Variants in CDYL observed in about 807,000 individuals in gnomAD.
CDYL encodes chromodomain Y like.
CDYL carries 8 observed loss-of-function variants against 47.3 expected under a neutral mutation model. That is an observed-to-expected ratio of 0.17 (90% CI 0.10 to 0.31). The LOEUF (loss-of-function observed/expected upper bound fraction) is 0.31, where lower values mean the gene tolerates loss of function less well. Among genes scored for constraint, CDYL ranks in the 10% least tolerant of loss-of-function variants. The pLI is 1.00. For missense variants in CDYL, 471 were observed against 701.4 expected (o/e 0.67, Z 3.71); for synonymous variants, 266 against 265.0 (o/e 1.00, Z -0.04).
intron 2 of CDYL, among the ~76,000 whole-genome samples, chr6:4,717,931 A>T (rs1220161736): frequency 6.6e-6 from 1 of 151,674 alleles, no homozygotes; most frequent in East Asian, 1.9e-4. Context: ...CAAGAGCCTC[A>T]ACCCCCTGGG....
chr6:4,765,512 A>G (rs898441131), intron 3 of CDYL, among the ~76,000 whole-genome samples: 1 of 151,954 alleles, frequency 6.6e-6, no homozygotes, highest in Non-Finnish European at 1.5e-5. Context: ...GTTTTAATTC[A>G]TACATTTGAA....
chr6:4,824,152 T>G (rs1271404189), intron 1 of CDYL, among the ~76,000 whole-genome samples: 1 of 152,240 alleles, frequency 6.6e-6, no homozygotes, highest in Admixed American at 6.5e-5. Flanking sequence ...ATGCGTTGTT[T>G]CCATATTTTG....
At chr6:4,797,403 CAT>C (rs1458099803) in intron 1 of CDYL, among the ~76,000 whole-genome samples, 1 of 151,312 alleles carries the variant, frequency 6.6e-6, no homozygotes, top group Non-Finnish European at 1.5e-5. Context: ...TCCTGAATTA[CAT>C]CTTTTTCTTT....
chr6:4,722,023 T>G (rs1757379341), intron 2 of CDYL, among the ~76,000 whole-genome samples: 1 of 152,090 alleles, frequency 6.6e-6, no homozygotes, highest in Admixed American at 6.5e-5. Context: ...CCTGGCTAAT[T>G]TTTGTATTTT....
chr6:4,781,444 AAG>A (rs1178220635), intron 1 of CDYL, among the ~76,000 whole-genome samples: 2 of 152,216 alleles, frequency 1.3e-5, no homozygotes, highest in Non-Finnish European at 2.9e-5. Context: ...AGTAAAGAAA[AAG>A]AGTTCATTTG....
chr6:4,898,828 C>T (rs563393674), intron 2 of CDYL, among the ~76,000 whole-genome samples: 24 of 152,308 alleles, frequency 1.6e-4, no homozygotes, highest in African/African-American at 5.3e-4. Flanking sequence ...CTTAATAAAT[C>T]TGCATTATTT....
At chr6:4,771,320 G>C (rs560966626) in intron 3 of CDYL, among the ~76,000 whole-genome samples, 1 of 152,218 alleles carries the variant, frequency 6.6e-6, no homozygotes, top group East Asian at 1.9e-4. Context: ...CACCATGTTG[G>C]CCAGGCTGGT....
intron 3 of CDYL, among the ~76,000 whole-genome samples, chr6:4,736,678 C>T (rs1016207772): frequency 4.0e-5 from 6 of 151,406 alleles, no homozygotes; most frequent in South Asian, 2.1e-4. Context: ...TTTTCTGCTA[C>T]GCACTTTATT....
At chr6:4,720,429 T>C (rs1757346953) in intron 2 of CDYL, among the ~76,000 whole-genome samples, 1 of 152,234 alleles carries the variant, frequency 6.6e-6, no homozygotes, top group East Asian at 1.9e-4. Context: ...TTTGTTGAAA[T>C]GAATTAAATG....
chr6:4,770,356 T>A (rs1758321168), intron 3 of CDYL, among the ~76,000 whole-genome samples: 1 of 152,154 alleles, frequency 6.6e-6, no homozygotes, highest in Non-Finnish European at 1.5e-5. Flanking sequence ...TTACTAGGAA[T>A]GGGGTCAATA....
At chr6:4,825,729 G>A (rs904906392) in intron 1 of CDYL, among the ~76,000 whole-genome samples, 2 of 151,498 alleles carry the variant, frequency 1.3e-5, no homozygotes, top group Non-Finnish European at 2.9e-5. Flanking sequence ...TGGTTTGCTC[G>A]AACAGCCAAT....
At chr6:4,927,428 C>T (rs1302427255) in intron 2 of CDYL, among the ~76,000 whole-genome samples, 2 of 142,458 alleles carry the variant, frequency 1.4e-5, no homozygotes, top group African/African-American at 5.4e-5. Context: ...ATTTACTGTA[C>T]GTGTGTGTGT....
chr6:4,840,260 G>A (rs1039471437), intron 1 of CDYL, among the ~76,000 whole-genome samples: 3 of 151,936 alleles, frequency 2.0e-5, no homozygotes, highest in African/African-American at 7.3e-5. Context: ...CATTAGCTTT[G>A]TATCCTGGAA....
intron 1 of CDYL, among the ~76,000 whole-genome samples, chr6:4,856,038 G>A (rs763868997): frequency 2.3e-4 from 35 of 152,198 alleles, no homozygotes; most frequent in Non-Finnish European, 4.7e-4. Context: ...AAAGTGTTAT[G>A]ATCTGGCCCA....
chr6:4,772,192 C>A (rs1434615615), upstream of CDYL, among the ~76,000 whole-genome samples: 1 of 152,086 alleles, frequency 6.6e-6, no homozygotes, highest in Non-Finnish European at 1.5e-5. Flanking sequence ...TTGGTGAAAT[C>A]AAATGTTAAG....
chr6:4,715,797 C>T (rs148239840), exon 2 of CDYL: 8 of 1,614,116 alleles, frequency 5.0e-6, no homozygotes, highest in Non-Finnish European at 6.8e-6. Flanking sequence ...TCAGGCAAGC[C>T]ACAGGTCAGC....
At position 4,892,035 on chromosome 6, in the gene CDYL, G is replaced by A; in HGVS notation, c.347G>A (p.Ser116Asn). The change falls in exon 2 of 7, where the codon AGC (serine) becomes AAC (asparagine). Residue 116 changes from serine to asparagine, a missense_variant. Transcript: ENST00000397588. ...ESKNSQLFAASQKFRKNTAPS... is the reference protein window; with the variant it reads ...ESKNSQLFAANQKFRKNTAPS... ...AAAAACAGCCAGCTGTTTGCTGCCA[G>A]CCAGAAGTTCAGGAAGAACACAGCT... 6.2e-7 allele frequency: 1 copy of A among 1,614,202 alleles called. No homozygotes were observed. The highest frequency in any genetic ancestry group is 8.5e-7 in the Non-Finnish European group (1 of 1,180,030).
At chr6:4,886,966 A>G (rs894499205) in intron 1 of CDYL, among the ~76,000 whole-genome samples, 1 of 152,176 alleles carries the variant, frequency 6.6e-6, no homozygotes, top group Non-Finnish European at 1.5e-5. Context: ...TCTTTTCCCC[A>G]TGGAATGGTA....
intron 4 of CDYL, among the ~76,000 whole-genome samples, chr6:4,943,093 C>T (rs1176144241): frequency 6.6e-6 from 1 of 152,236 alleles, no homozygotes; most frequent in African/African-American, 2.4e-5. Flanking sequence ...CCTAATCCAC[C>T]ACCGTACACT....
Sources: gnomAD v4.1 joint callset for allele counts (sites outside exome capture counted in the v4.1 genomes callset) on GRCh38, gnomAD v4.1.1 for gene constraint, MANE v1.5 for transcripts, NCBI Gene and HGNC (gene_info 2026-07-23, HGNC 2026-07-21) for gene names.